The following TMTC3 variants were observed in gnomAD, a reference collection of about 807,000 sequenced individuals.
The protein encoded by TMTC3 is protein O-mannosyl-transferase TMTC3.
Under a neutral mutation model 92.2 loss-of-function variants are expected in TMTC3, and 52 were observed. The ratio of observed to expected loss-of-function variants is 0.56; its 90% CI spans 0.45 to 0.71. The LOEUF (loss-of-function observed/expected upper bound fraction) is 0.71. Ranked by LOEUF, TMTC3 falls within the 30% of genes least tolerant of loss-of-function variation. The pLI, the probability that TMTC3 is intolerant of heterozygous loss-of-function variation, is 0.00. For synonymous variants in TMTC3, 339 were observed against 363.3 expected, an observed-to-expected ratio of 0.93 and a Z score of 0.76; for missense variants, 896 against 1,057.1, an observed-to-expected ratio of 0.85 and a Z score of 2.11.
At position 88,153,393 on chromosome 12, in the gene TMTC3, A is replaced by G; in HGVS notation, c.292A>G (p.Ile98Val). 1.2e-6 allele frequency: 2 copies of G among 1,613,356 alleles called. No homozygotes were observed. The highest frequency in any genetic ancestry group is 1.1e-5 in the South Asian group (1 of 91,050). The change falls in exon 3 of 14, where the codon ATT becomes GTT. Residue 98 changes from isoleucine to valine, a missense_variant. Physicochemically the swap from Ile to Val is conservative, Grantham distance 29. Transcript: ENST00000266712. ...AATGTCATATCATCTCCTGAATATG[A>G]TTTTTCATGCTGTGGTTAGTGTGAT... is the stretch of plus-strand genomic sequence containing the variant. Reference protein sequence around the residue: ...KPMSYHLLNMIFHAVVSVIFL... With the variant: ...KPMSYHLLNMVFHAVVSVIFL...
chr12:88,190,572 C>T lies in TMTC3; in HGVS notation c.1656C>T (p.Tyr552=), dbSNP rs748440131. The T allele has an allele frequency of 6.2e-7, 1 of 1,613,886 alleles. No homozygotes were observed. The highest frequency in any genetic ancestry group is 8.5e-7 in the Non-Finnish European group (1 of 1,179,886). Residue 552 remains tyrosine (Y), a synonymous_variant, in exon 12 of 14, where the codon TAC becomes TAT. Transcript: ENST00000266712. The part of the protein sequence containing the change: ...ESRLEEADQL[Y]RQAISMRPDF... ...GACTGGAAGAAGCAGATCAGCTGTA[C>T]CGTCAAGCAATAAGCATGAGGCCCG...
intron 1 of TMTC3, among the ~76,000 whole-genome samples, chr12:88,146,611 GTA>G (rs1555231456): frequency 1.4e-4 from 21 of 147,882 alleles, no homozygotes; most frequent in African/African-American, 4.7e-4. Context: ...GTGTGTGTGT[GTA>G]TATATATATA....
intron 4 of TMTC3, among the ~76,000 whole-genome samples, chr12:88,156,631 A>AT (rs1469736731): frequency 2.0e-5 from 3 of 151,994 alleles, no homozygotes. Flanking sequence ...GTAGCTGTGG[A>AT]TTTCTGCAGT....
At chr12:88,175,438 G>C (rs1209590741) in intron 9 of TMTC3, among the ~76,000 whole-genome samples, 1 of 151,958 alleles carries the variant, frequency 6.6e-6, no homozygotes, top group Non-Finnish European at 1.5e-5. Context: ...TCATTACTTA[G>C]CTTTATTGGA....
intron 13 of TMTC3, among the ~76,000 whole-genome samples, chr12:88,193,988 G>A (rs1348267406): frequency 6.6e-6 from 1 of 152,034 alleles, no homozygotes; most frequent in African/African-American, 2.4e-5. Context: ...AGGGAGGCCA[G>A]GGTGGGGAGG....
intron 10 of TMTC3, among the ~76,000 whole-genome samples, chr12:88,188,196 G>A (rs2041400478): frequency 6.6e-6 from 1 of 152,068 alleles, no homozygotes; most frequent in African/African-American, 2.4e-5. Flanking sequence ...TCTAGCCACA[G>A]TCACAAAAAT....
At chr12:88,192,101 C>T (rs1388242961) in intron 12 of TMTC3, among the ~76,000 whole-genome samples, 3 of 142,898 alleles carry the variant, frequency 2.1e-5, no homozygotes, top group Non-Finnish European at 4.5e-5. Flanking sequence ...GAAGGGGTTA[C>T]AGATTTTTAA....
intron 4 of TMTC3, among the ~76,000 whole-genome samples, chr12:88,158,338 A>G (rs928173020): frequency 6.6e-6 from 1 of 152,052 alleles, no homozygotes; most frequent in Non-Finnish European, 1.5e-5. Flanking sequence ...CATGGCTTCT[A>G]TATCCTTCAA....
rs61941047 is a variant in TMTC3, at chr12:88,180,604, G to A, written c.1432+4285G>A. The stretch of plus-strand genomic sequence containing the variant: ...CCTGAGTTATCTTCTTCAGCATCCC[G>A]CAGGTAATGTTTGGGGCTTGTGTCA... On this transcript the variant is annotated intron_variant, in intron 10 of 13. Transcript: ENST00000266712. Among the ~76,000 whole-genome samples, 888 of 152,246 alleles carry A rather than the reference G, an allele frequency of 5.8e-3. 1 individual carries two copies. The highest frequency in any genetic ancestry group is 8.9e-3 in the Non-Finnish European group (604 of 68,010).
At chr12:88,179,073 G>A (rs2041289190) in intron 10 of TMTC3, among the ~76,000 whole-genome samples, 1 of 152,138 alleles carries the variant, frequency 6.6e-6, no homozygotes, top group Non-Finnish European at 1.5e-5. Context: ...ATCACACTTT[G>A]AGAATTGCTG....
At chr12:88,164,709 A>G (rs552597667) in intron 6 of TMTC3, among the ~76,000 whole-genome samples, 15 of 152,328 alleles carry the variant, frequency 9.8e-5, no homozygotes, top group Admixed American at 7.8e-4. Context: ...ATTACATGCA[A>G]GAACTTTTAT....
At chr12:88,161,339 T>C (rs150521888) in intron 6 of TMTC3, among the ~76,000 whole-genome samples, 13 of 152,298 alleles carry the variant, frequency 8.5e-5, no homozygotes, top group Non-Finnish European at 1.5e-4. Flanking sequence ...TCCCTAGTAA[T>C]AGTCTTTACT....
chr12:88,193,111 A>G (rs2138445246), intron 13 of TMTC3, among the ~76,000 whole-genome samples: 1 of 152,250 alleles, frequency 6.6e-6, no homozygotes, highest in South Asian at 2.1e-4. Context: ...CTATTTTGTC[A>G]TTTTATATAC....
chr12:88,179,208 GT>G (rs998587002), intron 10 of TMTC3, among the ~76,000 whole-genome samples: 3 of 152,134 alleles, frequency 2.0e-5, no homozygotes, highest in East Asian at 1.9e-4. Flanking sequence ...CTTATTCCAT[GT>G]TTTTTTAAGC....
rs1375248546 is a variant in TMTC3 at position 88,196,389 on chromosome 12, AC to A, written c.*741del. Reference sequence around the variant, plus strand: ...TATTGAGAGTGTCACAACATGAATCACATAATCATGATTTTTTTTTTTTACT... The same window carrying A: ...TATTGAGAGTGTCACAACATGAATCAATAATCATGATTTTTTTTTTTTACT... On this transcript the variant is annotated 3_prime_UTR_variant, in exon 14 of 14. Transcript: ENST00000266712. 1 of 152,142 alleles carries A rather than the reference AC, an allele frequency of 6.6e-6. No individual in the cohort carries two copies. Among genetic ancestry groups the A allele is most frequent in the Non-Finnish European group, 1.5e-5 (1 of 67,818 alleles). The allele number at this position is 152,142 out of a possible 1,614,324, so 9.4% of individuals were successfully genotyped here. A position where few individuals can be genotyped will look rare whatever the true frequency, so the allele number is the denominator to read the frequency against.
At chr12:88,182,689 T>C (rs2041331486) in intron 10 of TMTC3, among the ~76,000 whole-genome samples, 1 of 152,154 alleles carries the variant, frequency 6.6e-6, no homozygotes, top group South Asian at 2.1e-4. Flanking sequence ...TAGTAAAATA[T>C]CATCTATAAA....
At chr12:88,143,366 C>G (rs2040802014) in intron 1 of TMTC3, among the ~76,000 whole-genome samples, 2 of 152,136 alleles carry the variant, frequency 1.3e-5, no homozygotes, top group South Asian at 4.1e-4. Flanking sequence ...TACTACTTTT[C>G]TGAAAGATTA....
chr12:88,144,867 A>G (rs1173441496), intron 1 of TMTC3, among the ~76,000 whole-genome samples: 2 of 152,138 alleles, frequency 1.3e-5, no homozygotes, highest in Non-Finnish European at 2.9e-5. Context: ...TTTTGAGGAA[A>G]ATTGGCAAAA....
At position 88,190,560 on chromosome 12, in the gene TMTC3, A is replaced by G. The variant is rs1218625720; in HGVS notation, c.1644A>G (p.Ala548=). 1 of 1,614,014 alleles carries G rather than the reference A, an allele frequency of 6.2e-7. No individual in the cohort carries two copies. The highest frequency in any genetic ancestry group is 8.5e-7 in the Non-Finnish European group (1 of 1,179,934). Residue 548 remains alanine, a synonymous_variant, in exon 12 of 14, where the codon GCA becomes GCG. Coordinates refer to ENST00000266712, the MANE Select transcript of TMTC3 (RefSeq NM_181783.4). ...CAAATGAGTCCCGACTGGAAGAAGCAGATCAGCTGTACCGTCAAGCAATAA... is the reference window on the plus strand; with the variant it reads ...CAAATGAGTCCCGACTGGAAGAAGCGGATCAGCTGTACCGTCAAGCAATAA... The part of the protein sequence containing the change: ...IRANESRLEE[A]DQLYRQAISM...
Sources: gnomAD v4.1 joint callset for allele counts (sites outside exome capture counted in the v4.1 genomes callset) on GRCh38, gnomAD v4.1.1 for gene constraint, MANE v1.5 for transcripts, NCBI Gene and HGNC (gene_info 2026-07-23, HGNC 2026-07-21) for gene names.